The following PGM5 variants were observed in gnomAD, a reference collection of about 807,000 sequenced individuals.
PGM5 encodes phosphoglucomutase-like protein 5.
In PGM5, 23 loss-of-function variants were observed where a neutral mutation model predicts 59.2. The ratio of observed to expected loss-of-function variants is 0.39; its 90% confidence interval spans 0.28 to 0.55. PGM5 has a LOEUF of 0.55. Among genes scored for constraint, PGM5 ranks in the 20% least tolerant of loss-of-function variants. The probability of loss-of-function intolerance (pLI) is 0.66; values close to 1 mark genes in which losing one functional copy is unlikely to be tolerated. For missense variants in PGM5, 574 were observed against 748.3 expected (o/e 0.77, Z 2.72); for synonymous variants, 214 against 286.0 (o/e 0.75, Z 2.54).
chr9:68,523,226 G>C (rs969813774), intron 10 of PGM5, among the ~76,000 whole-genome samples: 2 of 152,186 alleles, frequency 1.3e-5, no homozygotes, highest in African/African-American at 4.8e-5. Context: ...AATGCAGCCT[G>C]GGTTTGGGCT....
intron 10 of PGM5, among the ~76,000 whole-genome samples, chr9:68,518,333 T>C (rs575702157): frequency 6.6e-6 from 1 of 152,334 alleles, no homozygotes; most frequent in East Asian, 1.9e-4. Context: ...TCCAGTTATT[T>C]CTATAAGCAA....
intron 6 of PGM5, chr9:68,399,039 T>G (rs1346875447): frequency 6.6e-6 from 1 of 152,228 alleles, no homozygotes; most frequent in Non-Finnish European, 1.5e-5. Context: ...TATTTTTACT[T>G]AATGTGACTA....
intron 1 of PGM5, among the ~76,000 whole-genome samples, chr9:68,375,310 A>G (rs1821850461): frequency 6.6e-6 from 1 of 152,256 alleles, no homozygotes; most frequent in Non-Finnish European, 1.5e-5. Flanking sequence ...CCAAAAGGCA[A>G]GGACGATTGG....
At chr9:68,443,542 T>C (rs1392477440) in intron 6 of PGM5, among the ~76,000 whole-genome samples, 14 of 152,232 alleles carry the variant, frequency 9.2e-5, no homozygotes, top group African/African-American at 3.4e-4. Context: ...AGCTTCCCTC[T>C]TAATCCTAAT....
rs1231646208 is a variant in PGM5 at position 68,381,371 on chromosome 9, T to C, written c.424+3010T>C. Among the ~76,000 whole-genome samples, 17 of 151,868 alleles carry C rather than the reference T, an allele frequency of 1.1e-4. No individual in the cohort carries two copies. The East Asian group carries it at 3.1e-3, about 28-fold the overall frequency. ...AACACTTTAGGTATAGAAGGAAAGT[T>C]TCTCAACATAATAAAGGTCGTTTAT... On this transcript the variant is annotated intron_variant, in intron 2 of 10. Coordinates refer to ENST00000396396, the MANE Select transcript of PGM5 (RefSeq NM_021965.4).
chr9:68,477,846 A>G (rs1394667184), intron 7 of PGM5, among the ~76,000 whole-genome samples: 3 of 152,234 alleles, frequency 2.0e-5, no homozygotes, highest in Non-Finnish European at 1.5e-5. Flanking sequence ...ACAGATGAGT[A>G]CCGCAAACAA....
At chr9:68,421,807 G>A (rs1279840658) in intron 6 of PGM5, among the ~76,000 whole-genome samples, 3 of 151,742 alleles carry the variant, frequency 2.0e-5, no homozygotes, top group African/African-American at 7.3e-5. Context: ...TGCTTACTTT[G>A]TAGATGGATA....
chr9:68,364,531 A>G (rs1372272317), intron 1 of PGM5, among the ~76,000 whole-genome samples: 9 of 152,126 alleles, frequency 5.9e-5, no homozygotes, highest in Non-Finnish European at 1.2e-4. Context: ...AGAATAGGTG[A>G]ATGGAATGGG....
chr9:68,403,391 A>G (rs1478299157), intron 6 of PGM5, among the ~76,000 whole-genome samples: 1 of 152,202 alleles, frequency 6.6e-6, no homozygotes, highest in Non-Finnish European at 1.5e-5. Context: ...TAATAATAAT[A>G]GAAATAAAGT....
At chr9:68,454,908 T>G (rs1823749433) in intron 6 of PGM5, among the ~76,000 whole-genome samples, 1 of 152,234 alleles carries the variant, frequency 6.6e-6, no homozygotes, top group Non-Finnish European at 1.5e-5. Flanking sequence ...CTGAAGTGTT[T>G]CTTTAAAAGA....
Position 68,489,760 on chromosome 9 carries a change from A to G in PGM5, c.1479+5712A>G, listed in dbSNP as rs573600141. On this transcript the variant is annotated intron_variant, in intron 9 of 10. Transcript: ENST00000396396. ...TCCTATATTTCTAACAAGCTCAAAA[A>G]TCATGAAACTCTTCCAGTGCTGAAG... is the stretch of plus-strand genomic sequence containing the variant. 6.7e-4 allele frequency among the ~76,000 whole-genome samples: 102 copies of G among 152,128 alleles called. 1 individual carries two copies. Among genetic ancestry groups the G allele is most frequent in the Middle Eastern group, 6.8e-3 (2 of 292 alleles).
chr9:68,432,309 C>T (rs931411427), intron 6 of PGM5, among the ~76,000 whole-genome samples: 13 of 151,418 alleles, frequency 8.6e-5, no homozygotes, highest in African/African-American at 3.2e-4. Flanking sequence ...CAGCAATTCT[C>T]CTGTCTCAGC....
At chr9:68,414,301 T>G (rs1382477762) in intron 6 of PGM5, among the ~76,000 whole-genome samples, 1 of 152,166 alleles carries the variant, frequency 6.6e-6, no homozygotes, top group Non-Finnish European at 1.5e-5. Context: ...CCACACAAAA[T>G]GGACTAAGAC....
intron 10 of PGM5, among the ~76,000 whole-genome samples, chr9:68,507,836 T>C (rs1223971728): frequency 2.0e-5 from 3 of 152,196 alleles, no homozygotes; most frequent in Non-Finnish European, 2.9e-5. Flanking sequence ...TATTGAAATC[T>C]GGACTCATAC....
chr9:68,461,776 A>C (rs1251818005), intron 6 of PGM5, among the ~76,000 whole-genome samples: 1 of 151,798 alleles, frequency 6.6e-6, no homozygotes, highest in South Asian at 2.1e-4. Flanking sequence ...AGTATCAGCT[A>C]TCCCATTATA....
chr9:68,473,076 AAATC>A, intron 7 of PGM5, among the ~76,000 whole-genome samples: 1 of 152,310 alleles, frequency 6.6e-6, no homozygotes, highest in Non-Finnish European at 1.5e-5. Context: ...TGAGAAATGA[AAATC>A]AATCTATCTA....
chr9:68,468,719 G>C, intron 7 of PGM5, among the ~76,000 whole-genome samples: 1 of 152,092 alleles, frequency 6.6e-6, no homozygotes, highest in Non-Finnish European at 1.5e-5. Flanking sequence ...ACTGTAATTG[G>C]CTGATATGTC....
chr9:68,483,994 G>T lies in PGM5; in HGVS notation c.1425G>T (p.Lys475Asn). The part of the protein sequence containing the change: ...AVGSHVYSVA[K>N]TDSFEYVDPV... Reference sequence around the variant, plus strand: ...GGAGCCATGTCTACAGCGTGGCGAAGACGGATAGTTTTGAATACGTGGACC... The same window carrying T: ...GGAGCCATGTCTACAGCGTGGCGAATACGGATAGTTTTGAATACGTGGACC... Residue 475 changes from lysine (K) to asparagine (N), a missense_variant, in exon 9 of 11, where the codon AAG becomes AAT. By Grantham distance (94) the Lys-to-Asn change is moderately conservative. Around this residue, in one of 7 missense-constraint regions of PGM5, gnomAD observed 300 missense variants for 280.0 expected, o/e 1.07. Transcript: ENST00000396396. The T allele has an allele frequency of 1.9e-6, 3 of 1,614,096 alleles. No homozygotes were observed. Among genetic ancestry groups the T allele is most frequent in the Non-Finnish European group, 2.5e-6 (3 of 1,180,020 alleles).
Position 68,481,321 on chromosome 9 carries a change from T to G in PGM5, c.1295+1768T>G, listed in dbSNP as rs782739952. ...TTAGTCAAGAAAGCTGGGGATGTGA[T>G]AGCTTGCAAAACAACTCGAATTATT... On this transcript the variant is annotated intron_variant, in intron 8 of 10. Coordinates refer to ENST00000396396, the MANE Select transcript of PGM5 (RefSeq NM_021965.4). Among the ~76,000 whole-genome samples the G allele has an allele frequency of 7.8e-4, 119 of 152,236 alleles. 1 individual carries two copies. The highest frequency in any genetic ancestry group is 4.6e-4 in the Admixed American group (7 of 15,286).
Sources: gnomAD v4.1 joint callset for allele counts (sites outside exome capture counted in the v4.1 genomes callset) on GRCh38, gnomAD v4.1.1 for gene constraint, gnomAD v4.1.1 regional missense constraint, MANE v1.5 for transcripts, NCBI Gene and HGNC (gene_info 2026-07-23, HGNC 2026-07-21) for gene names.